Variants in DPP6 observed in about 807,000 individuals in gnomAD.
DPP6 encodes A-type potassium channel modulatory protein DPP6.
DPP6 carries 69 observed loss-of-function variants against 122.6 expected under a neutral mutation model. The observed-to-expected ratio is 0.56, with a 90% CI of 0.46 to 0.69. The LOEUF (loss-of-function observed/expected upper bound fraction) is 0.69, where lower values mean the gene tolerates loss of function less well. Among genes scored for constraint, DPP6 ranks in the 30% least tolerant of loss-of-function variants. The pLI is 0.00. For missense variants in DPP6, 928 were observed against 1,116.9 expected (o/e 0.83, Z 2.41); for synonymous variants, 418 against 433.1 (o/e 0.97, Z 0.43).
intron 16 of DPP6, among the ~76,000 whole-genome samples, chr7:154,822,794 C>G (rs950269547): frequency 6.6e-6 from 1 of 152,150 alleles, no homozygotes; most frequent in African/African-American, 2.4e-5. Context: ...TGCTCTTCAT[C>G]CTGTTTTCTC....
intron 1 of DPP6, among the ~76,000 whole-genome samples, chr7:154,294,201 G>A (rs1425297740): frequency 6.6e-6 from 1 of 152,152 alleles, no homozygotes; most frequent in Non-Finnish European, 1.5e-5. Context: ...GGTCAGTGAT[G>A]CTCTAAGGTA....
At chr7:153,904,814 C>T (rs1389418840) in intron 1 of DPP6, among the ~76,000 whole-genome samples, 1 of 152,246 alleles carries the variant, frequency 6.6e-6, no homozygotes, top group East Asian at 1.9e-4. Context: ...TTCTCCTTTG[C>T]CTTCTGAAGG....
At chr7:154,017,727 TA>T (rs61261080) in intron 1 of DPP6, among the ~76,000 whole-genome samples, 9,535 of 109,372 alleles carry the variant, frequency 0.087, 531 homozygotes, top group African/African-American at 0.22. Flanking sequence ...AATAAAAAAA[TA>T]AAAAAAAAAA....
intron 7 of DPP6, among the ~76,000 whole-genome samples, chr7:154,710,540 T>G (rs1436861810): frequency 6.6e-6 from 1 of 152,174 alleles, no homozygotes; most frequent in Non-Finnish European, 1.5e-5. Context: ...ATGTGGCATT[T>G]GTAGCACACC....
At chr7:154,063,100 T>G (rs1239519750) in intron 1 of DPP6, among the ~76,000 whole-genome samples, 9 of 126,262 alleles carry the variant, frequency 7.1e-5, no homozygotes, top group Non-Finnish European at 1.4e-4. Context: ...CCCTGGCTGT[T>G]AGTACCCCCA....
At chr7:153,770,681 CCTGT>C in the DPP6 span, among the ~76,000 whole-genome samples, 2 of 152,204 alleles carry the variant, frequency 1.3e-5, no homozygotes, top group East Asian at 3.9e-4. Flanking sequence ...TAGACACAGA[CCTGT>C]CTAACAGATA....
chr7:154,598,810 T>G (rs1833253850), intron 5 of DPP6, among the ~76,000 whole-genome samples: 1 of 152,224 alleles, frequency 6.6e-6, no homozygotes, highest in Non-Finnish European at 1.5e-5. Context: ...ATTGTTGTTT[T>G]GTTTTGTTTT....
In DPP6 at chr7:154,530,956, T is replaced by C. The variant is rs180812348; in HGVS notation, c.458-9576T>C. On this transcript the variant is annotated intron_variant, in intron 3 of 25. Coordinates refer to ENST00000377770, the MANE Select transcript of DPP6 (RefSeq NM_130797.4). The stretch of plus-strand genomic sequence containing the variant: ...GTGGGAAGTGAACAGTGAGAACATA[T>C]GGACACATTGCAGGGAACAACACAC... Among the ~76,000 whole-genome samples the C allele has an allele frequency of 2.0e-4, 31 of 152,208 alleles. 1 individual carries two copies. Among genetic ancestry groups the C allele is most frequent in the African/African-American group, 6.5e-4 (27 of 41,524 alleles).
chr7:154,463,125 C>T (rs1821437810), intron 2 of DPP6, among the ~76,000 whole-genome samples: 1 of 151,538 alleles, frequency 6.6e-6, no homozygotes, highest in African/African-American at 2.4e-5. Flanking sequence ...ACTTAGTACC[C>T]TGCCGCTTTG....
chr7:154,664,004 T>G (rs1466845081), intron 6 of DPP6, among the ~76,000 whole-genome samples: 1 of 101,884 alleles, frequency 9.8e-6, no homozygotes, highest in Non-Finnish European at 2.4e-5. Context: ...CCATAGCGTA[T>G]TGGCCATAGT....
chr7:153,748,283 C>A, the DPP6 span, among the ~76,000 whole-genome samples: 8 of 151,502 alleles, frequency 5.3e-5, no homozygotes, highest in South Asian at 6.3e-4. Flanking sequence ...CCGACCATCC[C>A]GGGAAGATTT....
At chr7:154,061,709 AAT>A (rs1563154289) in intron 1 of DPP6, among the ~76,000 whole-genome samples, 15 of 80,974 alleles carry the variant, frequency 1.9e-4, no homozygotes, top group East Asian at 4.9e-4. Flanking sequence ...GGGGGGAGGC[AAT>A]CCCCGCGAGG....
chr7:154,570,461 G>T (rs977414115), intron 5 of DPP6, among the ~76,000 whole-genome samples: 3 of 151,822 alleles, frequency 2.0e-5, no homozygotes, highest in Non-Finnish European at 4.4e-5. Context: ...CCCAGCACAG[G>T]GTGATCTGCG....
At position 154,445,261 on chromosome 7, in the gene DPP6, G is replaced by A. The variant is rs916437301; in HGVS notation, c.244-953G>A. 2.0e-5 allele frequency among the ~76,000 whole-genome samples: 3 copies of A among 152,182 alleles called. No homozygotes were observed. The East Asian group carries it at 5.8e-4, about 29-fold the overall frequency. ...TTCTCCAGACTATACATGGACAGAA[G>A]TGGTCCCTTTGCAGTGTGACCATCT... On this transcript the variant is annotated intron_variant, in intron 1 of 25. Transcript: ENST00000377770.
At chr7:154,724,869 A>G (rs1160857297) in intron 7 of DPP6, among the ~76,000 whole-genome samples, 1 of 152,210 alleles carries the variant, frequency 6.6e-6, no homozygotes, top group African/African-American at 2.4e-5. Flanking sequence ...GCACAAAAAT[A>G]TGAGCATACT....
At chr7:154,692,146 T>C (rs1405502729) in intron 7 of DPP6, among the ~76,000 whole-genome samples, 5 of 152,188 alleles carry the variant, frequency 3.3e-5, no homozygotes, top group Non-Finnish European at 7.3e-5. Flanking sequence ...CTCCCTGATG[T>C]TGGAGGAGAA....
intron 4 of DPP6, among the ~76,000 whole-genome samples, chr7:154,548,983 A>G (rs372092746): frequency 6.6e-6 from 1 of 152,168 alleles, no homozygotes; most frequent in Non-Finnish European, 1.5e-5. Context: ...TTTCAGGGGT[A>G]GACAGTGCGG....
At chr7:153,910,234 C>CTTTTTTCTTT (rs750065238) in intron 1 of DPP6, among the ~76,000 whole-genome samples, 1 of 137,750 alleles carries the variant, frequency 7.3e-6, no homozygotes, top group African/African-American at 2.7e-5. Context: ...TTCTTTCTTT[C>CTTTTTTCTTT]TTTTTTTTTT....
Position 154,711,275 on chromosome 7 carries a change from G to A in DPP6, c.763-16492G>A, listed in dbSNP as rs903166023. On this transcript the variant is annotated intron_variant, in intron 7 of 25. Coordinates refer to ENST00000377770, the MANE Select transcript of DPP6 (RefSeq NM_130797.4). ...ATGATAAATAGTTTTCCCTAGTCTG[G>A]GCATGGTGGCCCACACATATGGGAG... is the stretch of plus-strand genomic sequence containing the variant. Among the ~76,000 whole-genome samples the A allele has an allele frequency of 5.9e-5, 9 of 152,240 alleles. No individual in the cohort carries two copies. In the East Asian group the frequency reaches 1.5e-3, roughly 26 times the overall value.
Sources: gnomAD v4.1 joint callset for allele counts (sites outside exome capture counted in the v4.1 genomes callset) on GRCh38, gnomAD v4.1.1 for gene constraint, MANE v1.5 for transcripts, NCBI Gene and HGNC (gene_info 2026-07-23, HGNC 2026-07-21) for gene names.